Variants in GLI2 observed in about 807,000 individuals in gnomAD.
The protein encoded by GLI2 is GLI family zinc finger 2.
GLI2 carries 22 observed loss-of-function variants against 78.9 expected under a neutral mutation model. The observed-to-expected ratio is 0.28, with a 90% CI of 0.20 to 0.40. The LOEUF (loss-of-function observed/expected upper bound fraction) is 0.40, where lower values mean the gene tolerates loss of function less well. Among genes scored for constraint, GLI2 ranks in the 10% least tolerant of loss-of-function variants. The pLI, the probability that GLI2 is intolerant of heterozygous loss-of-function variation, is 1.00. For missense variants in GLI2, 2,097 were observed against 2,213.2 expected (o/e 0.95, Z 1.05); for synonymous variants, 974 against 963.7 (o/e 1.01, Z -0.20).
At chr2:120,740,525 C>T (rs565325586) in intron 1 of GLI2, among the ~76,000 whole-genome samples, 1 of 151,476 alleles carries the variant, frequency 6.6e-6, no homozygotes, top group Non-Finnish European at 1.5e-5. Flanking sequence ...AGTTTTAGTG[C>T]GTTTGCCATT....
At chr2:120,789,035 T>TTTTC (rs1684075145) in intron 1 of GLI2, among the ~76,000 whole-genome samples, 1 of 142,400 alleles carries the variant, frequency 7.0e-6, no homozygotes, top group African/African-American at 2.8e-5. Context: ...CTTTCTTTCT[T>TTTTC]TTTTTTTTTT....
intron 7 of GLI2, among the ~76,000 whole-genome samples, chr2:120,971,687 T>C (rs1682180720): frequency 6.6e-6 from 1 of 152,200 alleles, no homozygotes; most frequent in Admixed American, 6.5e-5. Context: ...AGAAGGTCTC[T>C]TTCCCATTTC....
rs1683178758 is a variant in GLI2, at chr2:120,989,528, T to A, written c.3563T>A (p.Leu1188Gln). The A allele has an allele frequency of 2.5e-6, 4 of 1,612,330 alleles. No individual in the cohort carries two copies. The highest frequency in any genetic ancestry group is 3.4e-6 in the Non-Finnish European group (4 of 1,179,710). Residue 1188 changes from leucine (L) to glutamine (Q), a missense_variant, in exon 14 of 14, where the codon CTG (leucine) becomes CAG (glutamine). Leu to Gln is a moderately radical substitution (Grantham distance 113, BLOSUM62 -2). Around this residue, in one of 5 missense-constraint regions of GLI2, gnomAD observed 1,290 missense variants for 1,261.7 expected, o/e 1.02. Transcript: ENST00000361492. ...PGGLDSTQPHLQPRSGAPSQG... is the reference protein window; with the variant it reads ...PGGLDSTQPHQQPRSGAPSQG... Reference sequence around the variant, plus strand: ...GGCCTGGACAGCACGCAGCCACACCTGCAGCCCCGCAGCGGAGCCCCCTCC... The same window carrying A: ...GGCCTGGACAGCACGCAGCCACACCAGCAGCCCCGCAGCGGAGCCCCCTCC...
rs201103063 is a variant in GLI2 at position 120,989,536 on chromosome 2, C to T, written c.3571C>T (p.Arg1191Cys). The change falls in exon 14 of 14, where the codon CGC becomes TGC. Residue 1191 changes from arginine (R) to cysteine (C), a missense_variant. Physicochemically the swap from Arg to Cys is radical, Grantham distance 180. Around this residue, in one of 5 missense-constraint regions of GLI2, gnomAD observed 1,290 missense variants for 1,261.7 expected, o/e 1.02. Transcript: ENST00000361492. ...LDSTQPHLQP[R>C]SGAPSQGIPR... is the part of the protein sequence containing the mutation. ...CAGCACGCAGCCACACCTGCAGCCC[C>T]GCAGCGGAGCCCCCTCCCAGGGCAT... 3 of 1,612,424 alleles carry T rather than the reference C, an allele frequency of 1.9e-6. No homozygotes were observed. Among genetic ancestry groups the T allele is most frequent in the Non-Finnish European group, 2.5e-6 (3 of 1,179,722 alleles).
At chr2:120,741,640 C>T (rs1388851144) in intron 1 of GLI2, among the ~76,000 whole-genome samples, 2 of 152,200 alleles carry the variant, frequency 1.3e-5, no homozygotes, top group African/African-American at 2.4e-5. Context: ...CCGTCTGGAC[C>T]TTCCTCTCCC....
chr2:120,807,524 A>G (rs1372042721), intron 2 of GLI2, among the ~76,000 whole-genome samples: 2 of 152,100 alleles, frequency 1.3e-5, no homozygotes, highest in Admixed American at 6.5e-5. Context: ...CAAATGAAGG[A>G]GCTGAGTCTC....
rs1375816005 is a variant in GLI2, at chr2:120,951,452, A to AGGGT, written c.457+9_457+12dup. The AGGGT allele has an allele frequency of 3.1e-6, 5 of 1,596,152 alleles. No homozygotes were observed. Among genetic ancestry groups the AGGGT allele is most frequent in the Middle Eastern group, 1.7e-4 (1 of 5,976 alleles). The stretch of plus-strand genomic sequence containing the variant: ...GGCCTCAGCCCCGCTGATGGTGAGT[A>AGGGT]GGGTGTGGGGATGGGGAGGGGCAGC... On this transcript the variant is annotated splice_region_variant and intron_variant, in intron 4 of 13. Coordinates refer to ENST00000361492, the MANE Select transcript of GLI2 (RefSeq NM_001374353.1).
intron 1 of GLI2, among the ~76,000 whole-genome samples, chr2:120,738,399 T>C (rs1465782199): frequency 6.6e-6 from 1 of 152,226 alleles, no homozygotes; most frequent in Non-Finnish European, 1.5e-5. Context: ...ATATGGAAAG[T>C]TGTCGCTTGT....
At chr2:120,922,766 G>A (rs1679445748) in intron 2 of GLI2, among the ~76,000 whole-genome samples, 1 of 152,124 alleles carries the variant, frequency 6.6e-6, no homozygotes, top group Non-Finnish European at 1.5e-5. Flanking sequence ...TCCTCCTGGG[G>A]ATTCCAGGGG....
At chr2:120,883,363 T>C (rs928012810) in intron 2 of GLI2, among the ~76,000 whole-genome samples, 1 of 152,070 alleles carries the variant, frequency 6.6e-6, no homozygotes, top group African/African-American at 2.4e-5. Flanking sequence ...GGCACGTGCC[T>C]ACAGTCCCAG....
intron 2 of GLI2, chr2:120,867,150 CCAGCTTCCTCTT>C (rs1688178720): frequency 6.6e-6 from 1 of 152,334 alleles, no homozygotes; most frequent in Non-Finnish European, 1.5e-5. Context: ...AAGATCCCAC[CCAGCTTCCTCTT>C]CCTCTTGGGG....
intron 2 of GLI2, among the ~76,000 whole-genome samples, chr2:120,860,476 C>A (rs1687854101): frequency 6.6e-6 from 1 of 152,192 alleles, no homozygotes; most frequent in South Asian, 2.1e-4. Context: ...GCTCAGAGGG[C>A]CCCCTGGGAC....
At chr2:120,979,812 C>T (rs1335962112) in intron 10 of GLI2, among the ~76,000 whole-genome samples, 2 of 152,144 alleles carry the variant, frequency 1.3e-5, no homozygotes, top group Non-Finnish European at 2.9e-5. Context: ...TTCTGTCCTT[C>T]CCACAGCCCT....
chr2:120,835,531 G>A (rs868266666), intron 2 of GLI2, among the ~76,000 whole-genome samples: 11 of 151,766 alleles, frequency 7.2e-5, no homozygotes, highest in African/African-American at 2.4e-4. Flanking sequence ...GATTATAGGC[G>A]CCCGCCACCA....
intron 2 of GLI2, among the ~76,000 whole-genome samples, chr2:120,880,330 G>A (rs980636372): frequency 1.3e-5 from 2 of 152,226 alleles, no homozygotes; most frequent in Middle Eastern, 3.4e-3. Context: ...TAGAGAATTG[G>A]GCAAACTTCA....
chr2:120,821,943 C>T lies in GLI2; in HGVS notation c.148+24475C>T, dbSNP rs531936265. 1.5e-4 allele frequency among the ~76,000 whole-genome samples: 23 copies of T among 152,312 alleles called. No homozygotes were observed. In the South Asian group the frequency reaches 3.5e-3, roughly 23 times the overall value. ...GTGTTCCTGTTTGCCTTTGACTCCA[C>T]GGGGGCCGGGAGAAAGTGGCACTGG... On this transcript the variant is annotated intron_variant, in intron 2 of 13. Coordinates refer to ENST00000361492, the MANE Select transcript of GLI2 (RefSeq NM_001374353.1).
chr2:120,939,148 G>T (rs1476007068), intron 3 of GLI2, among the ~76,000 whole-genome samples: 1 of 152,154 alleles, frequency 6.6e-6, no homozygotes, highest in Non-Finnish European at 1.5e-5. Flanking sequence ...CAGGCGTGGT[G>T]GTGGGCACCT....
intron 3 of GLI2, among the ~76,000 whole-genome samples, chr2:120,941,042 G>A (rs142305945): frequency 6.6e-6 from 1 of 152,212 alleles, no homozygotes; most frequent in African/African-American, 2.4e-5. Flanking sequence ...GTAAACATCA[G>A]CTGATCCGGG....
At chr2:120,776,515 T>C (rs1388099906) in intron 1 of GLI2, among the ~76,000 whole-genome samples, 1 of 152,170 alleles carries the variant, frequency 6.6e-6, no homozygotes, top group African/African-American at 2.4e-5. Context: ...GCCCTTTCCT[T>C]GCCCTAGACA....
Sources: gnomAD v4.1 joint callset for allele counts (sites outside exome capture counted in the v4.1 genomes callset) on GRCh38, gnomAD v4.1.1 for gene constraint, gnomAD v4.1.1 regional missense constraint, MANE v1.5 for transcripts, NCBI Gene and HGNC (gene_info 2026-07-23, HGNC 2026-07-21) for gene names.